SLC39A12: variants seen among roughly 807,000 people sequenced by gnomAD.
SLC39A12 encodes solute carrier family 39 member 12.
A neutral mutation model predicts 71.1 loss-of-function variants in SLC39A12; 63 were observed. The ratio of observed to expected loss-of-function variants is 0.89; its 90% CI spans 0.72 to 1.09. The LOEUF is 1.09. Ranked by LOEUF, SLC39A12 falls within the 50% of genes least tolerant of loss-of-function variation. The probability of loss-of-function intolerance (pLI) is 0.00; values close to 1 mark genes in which losing one functional copy is unlikely to be tolerated. For synonymous variants in SLC39A12, 351 were observed against 301.3 expected (o/e 1.16, Z -1.71); for missense variants, 892 against 812.6 (o/e 1.10, Z -1.19).
chr10:18,036,561 T>C (rs1589260995), intron 12 of SLC39A12, among the ~76,000 whole-genome samples: 1 of 151,566 alleles, frequency 6.6e-6, no homozygotes, highest in Admixed American at 6.6e-5. Flanking sequence ...CACTCCCTAG[T>C]GAGATGAACC....
chr10:17,978,159 CT>C, intron 5 of SLC39A12, 85 bp downstream of exon 5: 1 of 1,161,652 alleles, frequency 8.6e-7, no homozygotes, highest in Non-Finnish European at 1.2e-6. Context: ...TTGTAGAAAA[CT>C]TAAAGAGTAT....
intron 3 of SLC39A12, among the ~76,000 whole-genome samples, chr10:17,964,889 C>T (rs1248298515): frequency 6.6e-6 from 1 of 152,152 alleles, no homozygotes; most frequent in Non-Finnish European, 1.5e-5. Flanking sequence ...AGCAGGAGTT[C>T]CCCTTGGAGA....
intron 4 of SLC39A12, among the ~76,000 whole-genome samples, chr10:17,975,138 C>G (rs931132359): frequency 2.6e-5 from 4 of 152,076 alleles, no homozygotes; most frequent in African/African-American, 7.2e-5. Context: ...TGCTGCCTAC[C>G]CTAGGACTCA....
chr10:18,039,882 T>C (rs1340808559), intron 12 of SLC39A12, among the ~76,000 whole-genome samples: 1 of 152,222 alleles, frequency 6.6e-6, no homozygotes, highest in Non-Finnish European at 1.5e-5. Flanking sequence ...ACTGTGGATT[T>C]TGAATTAATA....
At chr10:18,039,514 G>A (rs1564667263) in intron 12 of SLC39A12, among the ~76,000 whole-genome samples, 2 of 152,194 alleles carry the variant, frequency 1.3e-5, no homozygotes, top group Non-Finnish European at 2.9e-5. Context: ...GATCAGTTGA[G>A]CCCCGGCATT....
intron 6 of SLC39A12, among the ~76,000 whole-genome samples, chr10:17,985,179 C>G (rs1002258708): frequency 6.6e-6 from 1 of 152,060 alleles, no homozygotes; most frequent in African/African-American, 2.4e-5. Context: ...CCCGTCTCTA[C>G]TAAAAATACA....
intron 7 of SLC39A12, 98 bp downstream of exon 7, chr10:17,987,749 G>C: frequency 7.7e-7 from 1 of 1,300,302 alleles, no homozygotes; most frequent in Non-Finnish European, 1.1e-6. Context: ...AGACTTCAAA[G>C]AGAGAGTATC....
intron 7 of SLC39A12, among the ~76,000 whole-genome samples, chr10:17,990,820 A>G (rs1329810985): frequency 5.3e-5 from 8 of 152,226 alleles, no homozygotes; most frequent in South Asian, 2.1e-4. Context: ...CTGAAAAACA[A>G]TTTGGCCGAA....
At chr10:18,003,735 GAA>G (rs1368234243) in intron 12 of SLC39A12, among the ~76,000 whole-genome samples, 1 of 152,182 alleles carries the variant, frequency 6.6e-6, no homozygotes, top group African/African-American at 2.4e-5. Flanking sequence ...AGTTGAAAAT[GAA>G]AAGTTCTGTC....
chr10:17,996,780 G>A (rs1212448379), intron 10 of SLC39A12, among the ~76,000 whole-genome samples: 3 of 151,972 alleles, frequency 2.0e-5, no homozygotes, highest in Admixed American at 6.6e-5. Context: ...GGCAGATCAC[G>A]AGGTCAGGAG....
intron 10 of SLC39A12, among the ~76,000 whole-genome samples, chr10:18,000,098 A>G (rs1835790379): frequency 6.6e-6 from 1 of 152,186 alleles, no homozygotes; most frequent in Non-Finnish European, 1.5e-5. Context: ...TGAAGGTGCA[A>G]GACAAGAGCC....
At chr10:17,986,862 A>G (rs1247203627) in intron 6 of SLC39A12, among the ~76,000 whole-genome samples, 1 of 152,130 alleles carries the variant, frequency 6.6e-6, no homozygotes, top group Non-Finnish European at 1.5e-5. Flanking sequence ...AAGCTTAGCC[A>G]GGCCTGATGG....
At chr10:18,015,248 T>C (rs193121688) in intron 12 of SLC39A12, among the ~76,000 whole-genome samples, 1 of 152,274 alleles carries the variant, frequency 6.6e-6, no homozygotes, top group East Asian at 1.9e-4. Context: ...ATCTGTTTAA[T>C]GGAAAGACTG....
chr10:18,016,778 C>T (rs1836397285), intron 12 of SLC39A12, among the ~76,000 whole-genome samples: 1 of 152,122 alleles, frequency 6.6e-6, no homozygotes, highest in African/African-American at 2.4e-5. Flanking sequence ...CTGTAATTTG[C>T]AATTCACTAA....
intron 12 of SLC39A12, among the ~76,000 whole-genome samples, chr10:18,021,832 G>A (rs764284633): frequency 6.6e-6 from 1 of 152,132 alleles, no homozygotes; most frequent in Non-Finnish European, 1.5e-5. Context: ...AATTCCATTA[G>A]CATTTGCTTG....
Position 17,993,256 on chromosome 10 carries a change from G to A in SLC39A12, c.1498G>A (p.Ala500Thr). The change falls in exon 9 of 13, where the codon GCA (alanine) becomes ACA (threonine). Residue 500 changes from alanine to threonine, a missense_variant. Transcript: ENST00000377369. ...ACTCAACTCTGAATTAAGTGACCAG[G>A]CAGGCAGAGGCAAATCTGCTTCAAC... is the stretch of plus-strand genomic sequence containing the variant. ...LALNSELSDQ[A>T]GRGKSASTIQ... 1 of 1,551,880 alleles carries A rather than the reference G, an allele frequency of 6.4e-7. No individual in the cohort carries two copies. Among genetic ancestry groups the A allele is most frequent in the Non-Finnish European group, 8.7e-7 (1 of 1,146,962 alleles).
intron 2 of SLC39A12, among the ~76,000 whole-genome samples, chr10:17,954,740 A>G (rs1440882384): frequency 6.6e-6 from 1 of 152,158 alleles, no homozygotes; most frequent in Non-Finnish European, 1.5e-5. Flanking sequence ...ACATAAATGA[A>G]AGCATACATA....
chr10:18,038,670 TA>T (rs1564666949), intron 12 of SLC39A12, among the ~76,000 whole-genome samples: 3 of 151,860 alleles, frequency 2.0e-5, no homozygotes, highest in Non-Finnish European at 4.4e-5. Flanking sequence ...AATAAATAAA[TA>T]AATAAATAAA....
intron 2 of SLC39A12, among the ~76,000 whole-genome samples, chr10:17,960,294 C>T (rs1554848217): frequency 6.6e-6 from 1 of 152,152 alleles, no homozygotes; most frequent in Non-Finnish European, 1.5e-5. Flanking sequence ...AGCAAGGATA[C>T]CTTTCTAATG....
Sources: gnomAD v4.1 joint callset for allele counts (sites outside exome capture counted in the v4.1 genomes callset) on GRCh38, gnomAD v4.1.1 for gene constraint, MANE v1.5 for transcripts, NCBI Gene and HGNC (gene_info 2026-07-23, HGNC 2026-07-21) for gene names.